The following UFD1 variants were observed in gnomAD, a reference collection of about 807,000 sequenced individuals.
UFD1 encodes ubiquitin recognition factor in ER-associated degradation protein 1.
In UFD1, 13 loss-of-function variants were observed where a neutral mutation model predicts 45.9. The observed-to-expected ratio is 0.28, with a 90% CI of 0.18 to 0.45. The LOEUF is 0.45. UFD1 is among the 20% of genes least tolerant of loss of function. UFD1 has a pLI of 1.00. For synonymous variants in UFD1, 128 were observed against 139.2 expected, an observed-to-expected ratio of 0.92 and a Z score of 0.56; for missense variants, 218 against 389.2, an observed-to-expected ratio of 0.56 and a Z score of 3.70.
At chr22:19,479,060 G>A in intron 1 of UFD1, 23 bp downstream of exon 1, 4 of 1,341,716 alleles carry the variant, frequency 3.0e-6, no homozygotes, top group South Asian at 2.3e-5. Flanking sequence ...CCCAGCCCCC[G>A]CCCGCTGCCC....
rs756117733 is a variant in UFD1, at chr22:19,455,712, G to T, written c.735C>A (p.Ser245Arg). ...TATCTCCAGGCTTGATTGGGGAGGG[G>T]CTGGGCTCTACCCCTTTCTTCTTTC... Reference protein sequence around the residue: ...LDGKKKGVEPSPSPIKPGDIK... With the variant: ...LDGKKKGVEPRPSPIKPGDIK... The change falls in exon 10 of 12, where the codon AGC (serine) becomes AGA (arginine). Residue 245 changes from serine (S) to arginine (R), a missense_variant. Physicochemically the swap from Ser to Arg is moderately radical, Grantham distance 110. This residue lies in a region of UFD1 where 69 missense variants were observed against 81.7 expected (regional missense o/e 0.84). Transcript: ENST00000263202. The T allele has an allele frequency of 7.9e-5, 128 of 1,614,072 alleles. No homozygotes were observed. The highest frequency in any genetic ancestry group is 1.1e-4 in the Non-Finnish European group (126 of 1,179,954).
intron 4 of UFD1, chr22:19,471,479 T>C (rs2089845022): frequency 2.5e-6 from 2 of 793,220 alleles, no homozygotes; most frequent in African/African-American, 1.7e-5. Flanking sequence ...CACAGCACAG[T>C]GGCCCACAGG....
At chr22:19,470,334 G>A (rs912563836) in intron 4 of UFD1, among the ~76,000 whole-genome samples, 2 of 152,192 alleles carry the variant, frequency 1.3e-5, no homozygotes, top group African/African-American at 4.8e-5. Context: ...CCCAGACCTT[G>A]GGAAGGACCC....
At chr22:19,477,676 GGTTT>G (rs1198738136) in intron 1 of UFD1, among the ~76,000 whole-genome samples, 1 of 133,282 alleles carries the variant, frequency 7.5e-6, no homozygotes, top group Non-Finnish European at 1.6e-5. Context: ...ATAAAAATTT[GGTTT>G]TTTTAACCAC....
At chr22:19,455,807 T>C (rs1476954602) in intron 9 of UFD1, 39 bp from the exon 10 acceptor site, 2 of 1,584,228 alleles carry the variant, frequency 1.3e-6, no homozygotes, top group Non-Finnish European at 1.7e-6. Context: ...TAAGCCCAAG[T>C]GTGAGGACGA....
chr22:19,465,094 G>T, intron 6 of UFD1, 108 bp downstream of exon 6: 1 of 1,013,222 alleles, frequency 9.9e-7, no homozygotes, highest in East Asian at 2.4e-5. Context: ...GCAGTAATTA[G>T]GTGATAAGAT....
intron 10 of UFD1, 37 bp downstream of exon 10, chr22:19,455,643 C>A: frequency 6.2e-7 from 1 of 1,603,712 alleles, no homozygotes; most frequent in Middle Eastern, 1.7e-4. Context: ...GGCACAGATC[C>A]TCCTCCTGTC....
At chr22:19,475,036 C>T (rs1474794045) in intron 3 of UFD1, 32 bp downstream of exon 3, 1 of 1,602,164 alleles carries the variant, frequency 6.2e-7, no homozygotes, top group Admixed American at 1.7e-5. Context: ...TGTACATTAT[C>T]TAAGTCCTTA....
At chr22:19,471,956 T>C (rs969116419) in intron 3 of UFD1, 148 bp from the exon 4 acceptor site, 7 of 1,144,650 alleles carry the variant, frequency 6.1e-6, no homozygotes, top group Non-Finnish European at 8.4e-6. Context: ...GAGAGCACAG[T>C]GCACGGCTCA....
chr22:19,465,652 T>C (rs1658239814), intron 5 of UFD1: 2 of 220,696 alleles, frequency 9.1e-6, no homozygotes, highest in Non-Finnish European at 1.8e-5. Context: ...TTTGGGGACA[T>C]GGAAATGTTC....
intron 6 of UFD1, among the ~76,000 whole-genome samples, chr22:19,463,156 T>A (rs926093972): frequency 2.0e-5 from 3 of 152,236 alleles, no homozygotes; most frequent in African/African-American, 7.2e-5. Flanking sequence ...AGTTACCATC[T>A]CTTCAGATTA....
At position 19,450,567 on chromosome 22, in the gene UFD1, G is replaced by T; in HGVS notation, c.*103C>A. On this transcript the variant is annotated 3_prime_UTR_variant, in exon 12 of 12. Coordinates refer to ENST00000263202, the MANE Select transcript of UFD1 (RefSeq NM_005659.7). Reference sequence around the variant, plus strand: ...AACTCTAAATAAATCTTAAGTAACAGAGTATTCTCTGATGAGGCTCGTCCC... The same window carrying T: ...AACTCTAAATAAATCTTAAGTAACATAGTATTCTCTGATGAGGCTCGTCCC... The T allele has an allele frequency of 7.2e-7, 1 of 1,393,968 alleles. No homozygotes were observed. The highest frequency in any genetic ancestry group is 1.0e-6 in the Non-Finnish European group (1 of 995,628). 86.3% of individuals were successfully genotyped at this position (1,393,968 alleles called of 1,614,324 possible).
chr22:19,473,792 G>A (rs2089862596), intron 3 of UFD1, among the ~76,000 whole-genome samples: 2 of 152,198 alleles, frequency 1.3e-5, no homozygotes, highest in African/African-American at 4.8e-5. Context: ...GTTCAGAGAG[G>A]TCAAGTTGCT....
intron 3 of UFD1, 25 bp from the exon 4 acceptor site, chr22:19,471,833 G>A (rs766970986): frequency 6.0e-5 from 97 of 1,608,100 alleles, no homozygotes; most frequent in Non-Finnish European, 8.2e-5. Context: ...GAGACTATGA[G>A]GCACAGCTCC....
chr22:19,453,288 A>C, intron 11 of UFD1: 2 of 985,482 alleles, frequency 2.0e-6, no homozygotes, highest in Non-Finnish European at 2.4e-6. Context: ...GGGCTTCCAA[A>C]GCCTTGTAGT....
chr22:19,466,136 G>A (rs2089800029), intron 5 of UFD1: 2 of 152,234 alleles, frequency 1.3e-5, no homozygotes, highest in African/African-American at 4.8e-5. Flanking sequence ...CAGAACCAGA[G>A]CAACTTTGTG....
chr22:19,464,723 G>A (rs1015648623), intron 6 of UFD1, among the ~76,000 whole-genome samples: 4 of 152,192 alleles, frequency 2.6e-5, no homozygotes, highest in Non-Finnish European at 5.9e-5. Flanking sequence ...AGGAGGAGAG[G>A]TGAGCCTAGG....
intron 11 of UFD1, chr22:19,451,368 ACT>A: frequency 1.0e-6 from 1 of 985,058 alleles, no homozygotes; most frequent in Non-Finnish European, 1.2e-6. Flanking sequence ...TTTGCACACA[ACT>A]CTGATTTTTT....
chr22:19,465,160 A>G, intron 6 of UFD1, 42 bp downstream of exon 6: 1 of 1,571,550 alleles, frequency 6.4e-7, no homozygotes, highest in Non-Finnish European at 8.8e-7. Flanking sequence ...TGGACACTGC[A>G]GGTGGCTCTT....
Sources: allele counts gnomAD v4.1 joint callset (sites outside exome capture counted in the v4.1 genomes callset), GRCh38; gene constraint gnomAD v4.1.1; regional missense constraint gnomAD v4.1.1; transcripts MANE v1.5; gene names NCBI Gene and HGNC (gene_info 2026-07-23, HGNC 2026-07-21).